Variants in MAP7D1 observed in about 807,000 individuals in gnomAD.
MAP7D1 encodes the protein MAP7 domain-containing protein 1.
MAP7D1 carries 30 observed loss-of-function variants against 97.5 expected under a neutral mutation model. That is an observed-to-expected ratio of 0.31 (90% CI 0.23 to 0.42). The LOEUF is 0.42. MAP7D1 is among the 10% of genes least tolerant of loss of function. The probability of loss-of-function intolerance (pLI) is 1.00; values close to 1 mark genes in which losing one functional copy is unlikely to be tolerated. For missense variants in MAP7D1, 1,184 were observed against 1,179.5 expected (o/e 1.00, Z -0.06); for synonymous variants, 536 against 477.1 (o/e 1.12, Z -1.61).
chr1:36,161,193 C>G (rs1042643710), intron 1 of MAP7D1, among the ~76,000 whole-genome samples: 5 of 152,248 alleles, frequency 3.3e-5, no homozygotes, highest in African/African-American at 1.2e-4. Context: ...CAGTGCCCCA[C>G]TGCCCAACTG....
intron 3 of MAP7D1, 102 bp downstream of exon 3, chr1:36,171,683 A>G: frequency 7.6e-7 from 1 of 1,318,854 alleles, no homozygotes; most frequent in Non-Finnish European, 1.1e-6. Flanking sequence ...CTGTAATCCC[A>G]GCACTTTGGG....
rs199901837 is a variant in MAP7D1 at position 36,179,288 on chromosome 1, T to C, written c.2157T>C (p.Thr719=). 2 of 1,613,844 alleles carry C rather than the reference T, an allele frequency of 1.2e-6. No individual in the cohort carries two copies. The highest frequency in any genetic ancestry group is 8.5e-7 in the Non-Finnish European group (1 of 1,179,932). The change falls in exon 13 of 17, where the codon ACT becomes ACC. Residue 719 remains threonine, a synonymous_variant. Transcript: ENST00000474796. The stretch of plus-strand genomic sequence containing the variant: ...GTCTGGAGGAGATCATGAAGAGGAC[T>C]CGGAAGTCAGAAGTTTCTGAAACCA... The part of the protein sequence containing the change: ...RKRLEEIMKR[T]RKSEVSETKK...
intron 1 of MAP7D1, among the ~76,000 whole-genome samples, chr1:36,168,596 T>G (rs1644501843): frequency 6.6e-6 from 1 of 152,102 alleles, no homozygotes; most frequent in Non-Finnish European, 1.5e-5. Context: ...TGGCTTGTCA[T>G]GTAGCCTAGG....
chr1:36,158,957 C>T (rs1040632130), intron 1 of MAP7D1, among the ~76,000 whole-genome samples: 1 of 152,190 alleles, frequency 6.6e-6, no homozygotes, highest in African/African-American at 2.4e-5. Flanking sequence ...ACATTGGCAT[C>T]CTTAAATTAG....
At chr1:36,179,076 C>G (rs757487419) in intron 12 of MAP7D1, 51 bp downstream of exon 12, 3 of 1,448,284 alleles carry the variant, frequency 2.1e-6, no homozygotes, top group South Asian at 1.2e-5. Context: ...CAGGGCGGGC[C>G]AGGTGGGCGG....
At chr1:36,170,109 G>A (rs1009665443) in intron 1 of MAP7D1, among the ~76,000 whole-genome samples, 8 of 152,238 alleles carry the variant, frequency 5.3e-5, no homozygotes, top group Admixed American at 5.2e-4. Flanking sequence ...GCTTGTCCAT[G>A]GTTGTCTGCT....
intron 1 of MAP7D1, among the ~76,000 whole-genome samples, chr1:36,166,151 GAGA>G (rs1410389147): frequency 5.9e-5 from 9 of 152,158 alleles, no homozygotes; most frequent in Non-Finnish European, 1.2e-4. Flanking sequence ...ATTCAAGGCA[GAGA>G]AACAGCCACT....
At position 36,176,801 on chromosome 1, in the gene MAP7D1, C is replaced by G; in HGVS notation, c.1338C>G (p.Ser446=). ...AGAAGCGCCAGTCGCTGCCCGCCTC[C>G]CCACGTGCCCGCCTCTCTGCCAGCA... The part of the protein sequence containing the change: ...SLKKRQSLPA[S]PRARLSASTA... Residue 446 remains serine, a synonymous_variant, in exon 8 of 17, where the codon TCC becomes TCG. Transcript: ENST00000474796. The surrounding 1 kb of genome is among the most constrained non-coding windows in gnomAD (Gnocchi z 6.1). 2 of 1,595,566 alleles carry G rather than the reference C, an allele frequency of 1.3e-6. No individual in the cohort carries two copies. Among genetic ancestry groups the G allele is most frequent in the East Asian group, 2.3e-5 (1 of 43,956 alleles).
chr1:36,180,063 C>T lies in MAP7D1; in HGVS notation c.2508C>T (p.Val836=), dbSNP rs199617367. 1 of 1,613,644 alleles carries T rather than the reference C, an allele frequency of 6.2e-7. No individual in the cohort carries two copies. The highest frequency in any genetic ancestry group is 2.2e-5 in the East Asian group (1 of 44,884). ...AAGCTGTGGTGCAGTCCCCGCAGGTCACAGGTAGATCTCCTGATTCCTGGA... is the reference window on the plus strand; with the variant it reads ...AAGCTGTGGTGCAGTCCCCGCAGGTTACAGGTAGATCTCCTGATTCCTGGA... The part of the protein sequence containing the change: ...LKKAVVQSPQ[V]TEVL The change falls in exon 16 of 17, where the codon GTC becomes GTT. Residue 836 remains valine (V), a synonymous_variant. Transcript: ENST00000474796.
rs5773520 is a variant in MAP7D1, at chr1:36,168,296, G to GAA, written c.47-2661_47-2660dup. ...GCAACAGAGTGAGACTCCATCTCAG[G>GAA]AAAAAAAAAAAAAAAGCCCAACTCT... On this transcript the variant is annotated intron_variant, in intron 1 of 16. Transcript: ENST00000474796. Among the ~76,000 whole-genome samples the GAA allele has an allele frequency of 2.8e-3, 392 of 138,132 alleles. 3 individuals carry two copies. Among genetic ancestry groups the GAA allele is most frequent in the Non-Finnish European group, 3.3e-3 (216 of 64,560 alleles). 90.6% of individuals were successfully genotyped at this position (138,132 alleles called of 152,430 possible).
Position 36,174,915 on chromosome 1 carries a change from G to A in MAP7D1, c.757G>A (p.Val253Met), listed in dbSNP as rs200884547. 95 of 1,613,034 alleles carry A rather than the reference G, an allele frequency of 5.9e-5. 1 individual carries two copies. The East Asian group carries it at 1.4e-3, about 24-fold the overall frequency. ...GHKTSGSRCS[V>M]SAVNLPKHVD... ...CCCTCCAGGTGGGAGCAGGTGCTCC[G>A]TGTCGGCAGTTAACCTGCCCAAACA... The change falls in exon 6 of 17, where the codon GTG becomes ATG. Residue 253 changes from valine to methionine, a missense_variant. Coordinates refer to ENST00000474796, the MANE Select transcript of MAP7D1 (RefSeq NM_001388490.1).
rs1051002828 is a variant in MAP7D1 at position 36,156,310 on chromosome 1, C to T, written c.-108C>T. ...GCCCCCGCCTCCGAGTCGCTACTTG[C>T]CGGGCCGGGCCGGGCCGGGCGTGAT... is the stretch of plus-strand genomic sequence containing the variant. On this transcript the variant is annotated 5_prime_UTR_variant, in exon 1 of 17. Transcript: ENST00000474796. 2.5e-5 allele frequency: 23 copies of T among 926,958 alleles called. No homozygotes were observed. The Middle Eastern group carries it at 1.1e-3, about 44-fold the overall frequency. 57.4% of individuals were successfully genotyped at this position (926,958 alleles called of 1,614,324 possible).
intron 1 of MAP7D1, among the ~76,000 whole-genome samples, chr1:36,157,798 A>G (rs1187619722): frequency 2.0e-5 from 3 of 152,036 alleles, no homozygotes; most frequent in African/African-American, 4.8e-5. Context: ...CTTCTAGGGG[A>G]CTGTCTGGGT....
In MAP7D1 at chr1:36,171,498, G is replaced by C. The variant is rs778634025; in HGVS notation, c.392-15G>C. 3.7e-6 allele frequency: 6 copies of C among 1,613,938 alleles called. No individual in the cohort carries two copies. Among genetic ancestry groups the C allele is most frequent in the Non-Finnish European group, 5.1e-6 (6 of 1,179,952 alleles). On this transcript the variant is annotated splice_polypyrimidine_tract_variant and intron_variant, in intron 2 of 16. Coordinates refer to ENST00000474796, the MANE Select transcript of MAP7D1 (RefSeq NM_001388490.1). ...ACAGCCTTTTGACCTGTCTGTTCTT[G>C]TTCCCTCTGCTCAGAGGTGAAGAAG...
chr1:36,175,883 A>G (rs554702817), intron 6 of MAP7D1, among the ~76,000 whole-genome samples: 2 of 152,312 alleles, frequency 1.3e-5, no homozygotes, highest in Non-Finnish European at 1.5e-5. Flanking sequence ...GCAGAGGGCA[A>G]TTGGGTTTTC....
At chr1:36,178,880 G>T (rs1277209545) in intron 11 of MAP7D1, 41 bp from the exon 12 acceptor site, 2 of 1,549,514 alleles carry the variant, frequency 1.3e-6, no homozygotes, top group Non-Finnish European at 8.7e-7. Context: ...GGGAGGGAAG[G>T]CTGGAGTCAA....
At chr1:36,175,256 G>T (rs1450820235) in intron 6 of MAP7D1, among the ~76,000 whole-genome samples, 1 of 152,262 alleles carries the variant, frequency 6.6e-6, no homozygotes, top group Non-Finnish European at 1.5e-5. Context: ...AGGGCAGGAA[G>T]CCTGGCAGGA....
chr1:36,160,988 G>C (rs553788004), intron 1 of MAP7D1, among the ~76,000 whole-genome samples: 1 of 152,372 alleles, frequency 6.6e-6, no homozygotes, highest in South Asian at 2.1e-4. Flanking sequence ...AGCCCTGCTG[G>C]GGCTGAGGGA....
intron 1 of MAP7D1, among the ~76,000 whole-genome samples, chr1:36,168,071 C>T (rs532482569): frequency 8.5e-5 from 13 of 152,168 alleles, no homozygotes; most frequent in South Asian, 2.1e-4. Flanking sequence ...CTGAGGAGGG[C>T]GGATCACGAG....
Sources: gnomAD v4.1 joint callset for allele counts (sites outside exome capture counted in the v4.1 genomes callset) on GRCh38, gnomAD v4.1.1 for gene constraint, Gnocchi (gnomAD v3.1) non-coding constraint, MANE v1.5 for transcripts, NCBI Gene and HGNC (gene_info 2026-07-23, HGNC 2026-07-21) for gene names.